ZNF419: variants seen among roughly 807,000 people sequenced by gnomAD.
ZNF419 encodes the protein zinc finger protein 419.
Under a neutral mutation model 14.9 loss-of-function variants are expected in ZNF419, and 8 were observed. The observed-to-expected ratio is 0.54, with a 90% CI of 0.32 to 0.97. The LOEUF (loss-of-function observed/expected upper bound fraction) is 0.97, where lower values mean the gene tolerates loss of function less well. ZNF419 is among the 50% of genes least tolerant of loss of function. ZNF419 has a pLI of 0.04. For synonymous variants in ZNF419, 211 were observed against 205.3 expected, an observed-to-expected ratio of 1.03 and a Z score of -0.24; for missense variants, 595 against 607.2, an observed-to-expected ratio of 0.98 and a Z score of 0.21.
In ZNF419 at chr19:57,492,917, C is replaced by G. The variant is rs1167245214; in HGVS notation, c.360C>G (p.Leu120=). The change falls in exon 5 of 5, where the codon CTC becomes CTG. Residue 120 remains leucine, a synonymous_variant. Transcript: ENST00000221735. ...AGCAGATTGCTTCTGTAGGACTGCT[C>G]AGTTCAAACATTCAGCAACACCAGA... ...APEQIASVGL[L]SSNIQQHQKQ... 3 of 1,614,056 alleles carry G rather than the reference C, an allele frequency of 1.9e-6. No homozygotes were observed. The highest frequency in any genetic ancestry group is 2.7e-5 in the African/African-American group (2 of 74,938).
rs199738609 is a variant in ZNF419 at position 57,493,291 on chromosome 19, A to G, written c.734A>G (p.Asn245Ser). Residue 245 changes from asparagine (N) to serine (S), a missense_variant, in exon 5 of 5, where the codon AAC (asparagine) becomes AGC (serine). Asn to Ser is a conservative substitution (Grantham distance 46, BLOSUM62 1). Coordinates refer to ENST00000221735, the MANE Select transcript of ZNF419 (RefSeq NM_024691.4). Reference sequence around the variant, plus strand: ...GGGAAGTTATTTAGAGATATGTCCAACCTTTTTATACACCAAATAGTTCAC... The same window carrying G: ...GGGAAGTTATTTAGAGATATGTCCAGCCTTTTTATACACCAAATAGTTCAC... Reference protein sequence around the residue: ...ECGKLFRDMSNLFIHQIVHTG... With the variant: ...ECGKLFRDMSSLFIHQIVHTG... The G allele has an allele frequency of 1.2e-4, 191 of 1,614,244 alleles. No individual in the cohort carries two copies. In the African/African-American group the frequency reaches 2.3e-3, roughly 20 times the overall value.
At chr19:57,488,026 C>T (rs778665896) in intron 1 of ZNF419, 43 bp downstream of exon 1, 1 of 1,611,138 alleles carries the variant, frequency 6.2e-7, no homozygotes, top group Non-Finnish European at 8.5e-7. Context: ...TCCTAAAGCC[C>T]TGTGAGGGCC....
intron 2 of ZNF419, 87 bp from the exon 3 acceptor site, chr19:57,491,384 G>A: frequency 1.3e-6 from 2 of 1,574,584 alleles, no homozygotes; most frequent in South Asian, 2.3e-5. Flanking sequence ...TTAAGGAAGA[G>A]GGTGAGCAGG....
At position 57,494,043 on chromosome 19, in the gene ZNF419, T is replaced by C; in HGVS notation, c.1486T>C (p.Ser496Pro). 4 of 1,612,262 alleles carry C rather than the reference T, an allele frequency of 2.5e-6. No homozygotes were observed. In the South Asian group the frequency reaches 3.3e-5, roughly 13 times the overall value. The change falls in exon 5 of 5, where the codon TCC becomes CCC. Residue 496 changes from serine (S) to proline (P), a missense_variant. Transcript: ENST00000221735. ...RECGKFFRHN[S>P]SLFKHRRIHT... ...ATGTGGGAAGTTTTTTCGCCACAAC[T>C]CCAGTCTTTTTAAACATCGAAGGAT...
chr19:57,488,891 T>A (rs1170908479), intron 1 of ZNF419: 1 of 152,362 alleles, frequency 6.6e-6, no homozygotes, highest in African/African-American at 2.4e-5. Context: ...CTCTATAGCA[T>A]GGAGTTTTGT....
At chr19:57,492,637 CCATCCTTG>C (rs2123208092) in intron 4 of ZNF419, 1 of 771,698 alleles carries the variant, frequency 1.3e-6, no homozygotes, top group Non-Finnish European at 2.3e-6. Context: ...GTGCTATACC[CCATCCTTG>C]CATCCTTGGT....
intron 1 of ZNF419, 27 bp downstream of exon 1, chr19:57,488,010 C>G (rs374962089): frequency 1.9e-6 from 3 of 1,613,328 alleles, no homozygotes; most frequent in Admixed American, 3.3e-5. Context: ...CCTGGCCTCC[C>G]CCGAATCCTA....
In ZNF419 at chr19:57,488,272, GC is replaced by G. The variant is rs2089404198; in HGVS notation, c.33+291del. On this transcript the variant is annotated intron_variant, in intron 1 of 4. Coordinates refer to ENST00000221735, the MANE Select transcript of ZNF419 (RefSeq NM_024691.4). Reference sequence around the variant, plus strand: ...GCAGCTGCGCTTTCATCCTGAGGGGGCCACAGTGGCCGCGGAGGGCTGGAGA... The same window carrying G: ...GCAGCTGCGCTTTCATCCTGAGGGGGCACAGTGGCCGCGGAGGGCTGGAGA... 13 of 509,738 alleles carry G rather than the reference GC, an allele frequency of 2.6e-5. No individual in the cohort carries two copies. The South Asian group carries it at 3.9e-4, about 15-fold the overall frequency. 31.6% of individuals were successfully genotyped at this position (509,738 alleles called of 1,614,324 possible).
chr19:57,494,114 G>A lies in ZNF419; in HGVS notation c.*24G>A, dbSNP rs756729768. The A allele has an allele frequency of 1.3e-5, 20 of 1,556,400 alleles. No individual in the cohort carries two copies. Among genetic ancestry groups the A allele is most frequent in the South Asian group, 4.9e-5 (4 of 80,832 alleles). On this transcript the variant is annotated 3_prime_UTR_variant, in exon 5 of 5. Coordinates refer to ENST00000221735, the MANE Select transcript of ZNF419 (RefSeq NM_024691.4). ...GATTGTGTGAAATCCTTTAGCCAGC[G>A]TTTCAACCTCATTCAACACCAGAAA...
In ZNF419 at chr19:57,494,994, T is replaced by A. The variant is rs2089591575; in HGVS notation, c.*904T>A. Reference sequence around the variant, plus strand: ...TTTCCGATGACTCAGTTTTGAGCATTTTTTAATGTGTTTACTTGTCACCCA... The same window carrying A: ...TTTCCGATGACTCAGTTTTGAGCATATTTTAATGTGTTTACTTGTCACCCA... On this transcript the variant is annotated 3_prime_UTR_variant, in exon 5 of 5. Coordinates refer to ENST00000221735, the MANE Select transcript of ZNF419 (RefSeq NM_024691.4). 1 of 152,704 alleles carries A rather than the reference T, an allele frequency of 6.5e-6. No homozygotes were observed. The highest frequency in any genetic ancestry group is 2.1e-4 in the South Asian group (1 of 4,838). The allele number at this position is 152,704 out of a possible 1,614,324, so 9.5% of individuals were successfully genotyped here.
Position 57,494,481 on chromosome 19 carries a change from G to A in ZNF419, c.*391G>A. The A allele has an allele frequency of 5.2e-6, 1 of 193,590 alleles. No homozygotes were observed. Among genetic ancestry groups the A allele is most frequent in the Non-Finnish European group, 1.0e-5 (1 of 96,150 alleles). The allele number at this position is 193,590 out of a possible 1,614,324, so 12.0% of individuals were successfully genotyped here. Reference sequence around the variant, plus strand: ...ACAGATTGTCCTTCCTGAGAAGACAGCCCTCTGCCTTGGAGCTCCAGAGAG... The same window carrying A: ...ACAGATTGTCCTTCCTGAGAAGACAACCCTCTGCCTTGGAGCTCCAGAGAG... On this transcript the variant is annotated 3_prime_UTR_variant, in exon 5 of 5. Coordinates refer to ENST00000221735, the MANE Select transcript of ZNF419 (RefSeq NM_024691.4).
chr19:57,495,999 TAGAGA>T lies in ZNF419; in HGVS notation c.*1914_*1918del, dbSNP rs981502632. The T allele has an allele frequency of 2.6e-5, 4 of 152,276 alleles. No homozygotes were observed. The highest frequency in any genetic ancestry group is 9.6e-5 in the African/African-American group (4 of 41,554). The allele number at this position is 152,276 out of a possible 1,614,324, so 9.4% of individuals were successfully genotyped here. ...TTTAATAAAAGGAACCAGAACTCCT[TAGAGA>T]AGAGGCTGTTTTCAAGTTGTGGCAG... On this transcript the variant is annotated 3_prime_UTR_variant, in exon 5 of 5. Transcript: ENST00000221735.
rs1195428887 is a variant in ZNF419 at position 57,493,778 on chromosome 19, C to T, written c.1221C>T (p.Phe407=). The T allele has an allele frequency of 6.2e-7, 1 of 1,613,206 alleles. No individual in the cohort carries two copies. Among genetic ancestry groups the T allele is most frequent in the African/African-American group, 1.3e-5 (1 of 74,644 alleles). The part of the protein sequence containing the change: ...KPFKCNECGR[F]FRENSTLVRH... The stretch of plus-strand genomic sequence containing the variant: ...TTAAGTGCAATGAATGTGGGAGATT[C>T]TTTAGAGAGAATTCCACCCTAGTTA... Residue 407 remains phenylalanine (F), a synonymous_variant, in exon 5 of 5, where the codon TTC becomes TTT. Transcript: ENST00000221735.
rs2089478981 is a variant in ZNF419 at position 57,491,473 on chromosome 19, C to T, written c.75C>T (p.Gly25=). The change falls in exon 3 of 5, where the codon GGC becomes GGT. Residue 25 remains glycine, a splice_region_variant and synonymous_variant. Transcript: ENST00000221735. ...AADLLTDHEE[G]YVTFEDVAVY... is the part of the protein sequence containing the mutation. ...CTCTACTCTGTCCATCTTAGCAGGG[C>T]TATGTGACCTTTGAGGATGTGGCTG... The T allele has an allele frequency of 6.2e-7, 1 of 1,613,924 alleles. No individual in the cohort carries two copies.
At chr19:57,488,683 T>C (rs571630193) in intron 1 of ZNF419, 1 of 152,458 alleles carries the variant, frequency 6.6e-6, no homozygotes, top group African/African-American at 2.4e-5. Context: ...CGTGTCCACA[T>C]GGGCAGCTTG....
rs2089392382 is a variant in ZNF419 at position 57,487,927 on chromosome 19, C to T, written c.-24C>T. 2 of 1,613,822 alleles carry T rather than the reference C, an allele frequency of 1.2e-6. No homozygotes were observed. The highest frequency in any genetic ancestry group is 1.3e-5 in the African/African-American group (1 of 75,060). On this transcript the variant is annotated 5_prime_UTR_variant, in exon 1 of 5. Transcript: ENST00000221735. ...GCCCTTTCCTCGGTCATTGTCTCCC[C>T]TCCAGCTCTACTCACAGGCTCCGAT...
intron 3 of ZNF419, 98 bp downstream of exon 3, chr19:57,491,695 G>A (rs747202244): frequency 1.0e-5 from 16 of 1,549,950 alleles, no homozygotes; most frequent in Non-Finnish European, 1.2e-5. Flanking sequence ...TGAACTGTGG[G>A]CACTCATTCC....
Position 57,490,146 on chromosome 19 carries a change from G to A in ZNF419, c.34-1G>A, listed in dbSNP as rs778272953. 42 of 1,613,292 alleles carry A rather than the reference G, an allele frequency of 2.6e-5. No homozygotes were observed. The highest frequency in any genetic ancestry group is 4.0e-5 in the African/African-American group (3 of 74,850). Reference sequence around the variant, plus strand: ...GTTCTCATAGTCTTGATTTTCCATAGGTTCCTGTGGCTGCAGACTTGCTTA... The same window carrying A: ...GTTCTCATAGTCTTGATTTTCCATAAGTTCCTGTGGCTGCAGACTTGCTTA... On this transcript the variant is annotated splice_acceptor_variant, in intron 1 of 4. Transcript: ENST00000221735. LOFTEE classifies it high-confidence loss of function.
chr19:57,492,324 T>C, intron 4 of ZNF419, 113 bp downstream of exon 4: 1 of 1,222,474 alleles, frequency 8.2e-7, no homozygotes, highest in Non-Finnish European at 1.2e-6. Context: ...ATTTCTATCT[T>C]TTCTTCCTTA....
Sources: gnomAD v4.1 joint callset for allele counts on GRCh38, gnomAD v4.1.1 for gene constraint, MANE v1.5 for transcripts, NCBI Gene and HGNC (gene_info 2026-07-23, HGNC 2026-07-21) for gene names.